DIP2B: variants seen among roughly 807,000 people sequenced by gnomAD.
The protein encoded by DIP2B is disco-interacting protein 2 homolog B.
Under a neutral mutation model 198.0 loss-of-function variants are expected in DIP2B, and 76 were observed. The ratio of observed to expected loss-of-function variants is 0.38; its 90% CI spans 0.32 to 0.46. DIP2B has a LOEUF of 0.46. Ranked by LOEUF, DIP2B falls within the 20% of genes least tolerant of loss-of-function variation. The pLI, the probability that DIP2B is intolerant of heterozygous loss-of-function variation, is 0.99. For missense variants in DIP2B, 1,559 were observed against 1,978.4 expected, an observed-to-expected ratio of 0.79 and a Z score of 4.02; for synonymous variants, 701 against 739.1, an observed-to-expected ratio of 0.95 and a Z score of 0.84.
intron 17 of DIP2B, among the ~76,000 whole-genome samples, chr12:50,697,613 T>A (rs999339416): frequency 3.1e-5 from 4 of 128,002 alleles, no homozygotes; most frequent in African/African-American, 8.7e-5. Flanking sequence ...CACTGCAGCC[T>A]CAACCTCCTG....
chr12:50,637,934 A>G (rs920081208), intron 2 of DIP2B, among the ~76,000 whole-genome samples: 71 of 152,334 alleles, frequency 4.7e-4, no homozygotes, highest in African/African-American at 1.7e-3. Context: ...TTAGACTCTG[A>G]TGTATTTTTC....
chr12:50,724,867 G>C lies in DIP2B; in HGVS notation c.3381G>C (p.Trp1127Cys). ...EAAAAVDVKT[W>C]PTIIDTDDLP... ...CAGCAGCTGTGGATGTGAAAACCTG[G>C]CCAACCATCATTGACACAGGTGAAA... The change falls in exon 28 of 38, where the codon TGG (tryptophan) becomes TGC (cysteine). Residue 1127 changes from tryptophan to cysteine, a missense_variant. Transcript: ENST00000301180. The C allele has an allele frequency of 3.7e-6, 6 of 1,614,148 alleles. No homozygotes were observed. Among genetic ancestry groups the C allele is most frequent in the Non-Finnish European group, 5.1e-6 (6 of 1,180,022 alleles).
chr12:50,734,866 T>A (rs1183157393), intron 33 of DIP2B, among the ~76,000 whole-genome samples: 7 of 152,196 alleles, frequency 4.6e-5, no homozygotes, highest in Non-Finnish European at 8.8e-5. Flanking sequence ...GCCAGAGGTG[T>A]TGGTAAACAC....
At chr12:50,601,333 A>T (rs10783379) in intron 1 of DIP2B, among the ~76,000 whole-genome samples, 89,243 of 137,954 alleles carry the variant, frequency 0.65, 26,652 homozygotes, top group South Asian at 0.75. Flanking sequence ...ATATCTATAT[A>T]TTTTTTTGTT....
At chr12:50,674,293 C>G (rs1938906531) in intron 5 of DIP2B, among the ~76,000 whole-genome samples, 181 bp from the exon 6 acceptor site, 1 of 152,162 alleles carries the variant, frequency 6.6e-6, no homozygotes, top group Admixed American at 6.5e-5. Context: ...TATACCCTGG[C>G]TTAACTTACT....
chr12:50,523,888 A>T (rs899685799), intron 1 of DIP2B, among the ~76,000 whole-genome samples: 46 of 152,172 alleles, frequency 3.0e-4, no homozygotes, highest in African/African-American at 1.1e-3. Flanking sequence ...ACTTGTTGAT[A>T]TTCTGTTTAT....
At chr12:50,646,547 G>A (rs1187399449) in intron 3 of DIP2B, among the ~76,000 whole-genome samples, 1 of 151,792 alleles carries the variant, frequency 6.6e-6, no homozygotes, top group Non-Finnish European at 1.5e-5. Context: ...TCAGTCTCCC[G>A]AGTAGCTAGG....
chr12:50,721,262 G>A lies in DIP2B; in HGVS notation c.3043-11G>A. 2 of 1,612,570 alleles carry A rather than the reference G, an allele frequency of 1.2e-6. No individual in the cohort carries two copies. The highest frequency in any genetic ancestry group is 1.7e-6 in the Non-Finnish European group (2 of 1,179,332). On this transcript the variant is annotated splice_polypyrimidine_tract_variant and intron_variant, in intron 25 of 37. Coordinates refer to ENST00000301180, the MANE Select transcript of DIP2B (RefSeq NM_173602.3). ...GAGCTTTGACCCGCTTATCCTTTCT[G>A]TTGTTTAAAGGGAACCACTGTATGC...
chr12:50,731,275 A>G lies in DIP2B; in HGVS notation c.3642-94A>G. The stretch of plus-strand genomic sequence containing the variant: ...CTCATATGTCCCTACACTGTCCTTT[A>G]CACTCAGTAAATATCTGTGGAATTG... On this transcript the variant is annotated intron_variant, in intron 30 of 37. Coordinates refer to ENST00000301180, the MANE Select transcript of DIP2B (RefSeq NM_173602.3). 2.7e-6 allele frequency: 4 copies of G among 1,466,436 alleles called. No homozygotes were observed. In the East Asian group the frequency reaches 9.1e-5, roughly 33 times the overall value. The allele number at this position is 1,466,436 out of a possible 1,614,324, so 90.8% of individuals were successfully genotyped here.
chr12:50,626,026 C>A lies in DIP2B; in HGVS notation c.151C>A (p.Pro51Thr). Reference sequence around the variant, plus strand: ...AAAGAAAAGGTCCAAACTCCTATCTCCTTACAGCCCGCAGACACAAGGTAG... The same window carrying A: ...AAAGAAAAGGTCCAAACTCCTATCTACTTACAGCCCGCAGACACAAGGTAG... ...YEKKRSKLLS[P>T]YSPQTQETDS... The change falls in exon 2 of 38, where the codon CCT (proline) becomes ACT (threonine). Residue 51 changes from proline to threonine, a missense_variant. Transcript: ENST00000301180. 1 of 1,614,090 alleles carries A rather than the reference C, an allele frequency of 6.2e-7. No individual in the cohort carries two copies. Among genetic ancestry groups the A allele is most frequent in the Non-Finnish European group, 8.5e-7 (1 of 1,179,986 alleles).
chr12:50,548,413 G>A (rs552165933), intron 1 of DIP2B, among the ~76,000 whole-genome samples: 2 of 152,262 alleles, frequency 1.3e-5, no homozygotes, highest in African/African-American at 4.8e-5. Flanking sequence ...TTGTGTATAT[G>A]TGTATATATA....
chr12:50,544,826 C>T (rs1958361842), intron 1 of DIP2B, among the ~76,000 whole-genome samples: 1 of 151,802 alleles, frequency 6.6e-6, no homozygotes, highest in South Asian at 2.1e-4. Context: ...ACTGTGTTAG[C>T]CAGGCTGATC....
At chr12:50,542,225 G>A (rs1247521971) in intron 1 of DIP2B, among the ~76,000 whole-genome samples, 8 of 147,950 alleles carry the variant, frequency 5.4e-5, no homozygotes, top group African/African-American at 2.0e-4. Flanking sequence ...CTCCAGCCTG[G>A]GTGACAGAGT....
chr12:50,671,423 G>A (rs1190474915), intron 5 of DIP2B, 25 bp downstream of exon 5: 3 of 1,609,654 alleles, frequency 1.9e-6, no homozygotes, highest in South Asian at 2.2e-5. Context: ...TACCCAAGAA[G>A]CCCAAATTAC....
chr12:50,642,527 T>G (rs1332819476), intron 3 of DIP2B, among the ~76,000 whole-genome samples: 4 of 152,224 alleles, frequency 2.6e-5, no homozygotes, highest in Non-Finnish European at 5.9e-5. Flanking sequence ...GGCTCACACC[T>G]GTAATCCTAG....
At position 50,704,182 on chromosome 12, in the gene DIP2B, C is replaced by T; in HGVS notation, c.2368C>T (p.Pro790Ser). Residue 790 changes from proline to serine, a missense_variant, in exon 20 of 38, where the codon CCA becomes TCA. Coordinates refer to ENST00000301180, the MANE Select transcript of DIP2B (RefSeq NM_173602.3). ...NSAGSPVGDV[P>S]FIRSGLLGFV... ...TGCAGGCTCTCCTGTTGGGGATGTG[C>T]CATTCATCCGATCAGGATTGCTGGG... 6.2e-7 allele frequency: 1 copy of T among 1,611,142 alleles called. No homozygotes were observed. The highest frequency in any genetic ancestry group is 8.5e-7 in the Non-Finnish European group (1 of 1,179,458).
At chr12:50,515,366 G>A (rs1257781673) in intron 1 of DIP2B, among the ~76,000 whole-genome samples, 1 of 152,054 alleles carries the variant, frequency 6.6e-6, no homozygotes, top group African/African-American at 2.4e-5. Flanking sequence ...AAGTAGCTGG[G>A]ATTAACAGGC....
intron 37 of DIP2B, among the ~76,000 whole-genome samples, chr12:50,744,020 G>A (rs574539556): frequency 6.6e-6 from 1 of 151,760 alleles, no homozygotes; most frequent in Admixed American, 6.6e-5. Context: ...CTTTTTTTTT[G>A]AGACAGAGTC....
chr12:50,682,489 C>T lies in DIP2B; in HGVS notation c.1207-649C>T, dbSNP rs554315733. Among the ~76,000 whole-genome samples the T allele has an allele frequency of 5.3e-5, 8 of 151,956 alleles. No individual in the cohort carries two copies. In the East Asian group the frequency reaches 5.8e-4, roughly 11 times the overall value. On this transcript the variant is annotated intron_variant, in intron 9 of 37. Transcript: ENST00000301180. ...CTAAAAATATTAAAAATTAGCCAGGCGTGGTGGCAGGCACCTGTAGTCCCA... is the reference window on the plus strand; with the variant it reads ...CTAAAAATATTAAAAATTAGCCAGGTGTGGTGGCAGGCACCTGTAGTCCCA...
Sources: gnomAD v4.1 joint callset for allele counts (sites outside exome capture counted in the v4.1 genomes callset) on GRCh38, gnomAD v4.1.1 for gene constraint, MANE v1.5 for transcripts, NCBI Gene and HGNC (gene_info 2026-07-23, HGNC 2026-07-21) for gene names.